The following KLF12 variants were observed in gnomAD, a reference collection of about 807,000 sequenced individuals.
KLF12 encodes Krueppel-like factor 12.
KLF12 carries 9 observed loss-of-function variants against 37.8 expected under a neutral mutation model. The observed-to-expected ratio is 0.24, with a 90% CI of 0.14 to 0.42. The LOEUF is 0.42. Ranked by LOEUF, KLF12 falls within the 10% of genes least tolerant of loss-of-function variation. The pLI, the probability that KLF12 is intolerant of heterozygous loss-of-function variation, is 1.00. For synonymous variants in KLF12, 208 were observed against 202.1 expected (o/e 1.03, Z -0.25); for missense variants, 411 against 516.0 (o/e 0.80, Z 1.97).
the KLF12 span, among the ~76,000 whole-genome samples, chr13:74,225,248 A>G: frequency 6.6e-6 from 1 of 152,134 alleles, no homozygotes; most frequent in Non-Finnish European, 1.5e-5. Flanking sequence ...CCTATTCCAA[A>G]GCTTCAATTA....
At chr13:74,103,928 A>AC (rs1238177683) in intron 1 of KLF12, among the ~76,000 whole-genome samples, 47 of 152,250 alleles carry the variant, frequency 3.1e-4, no homozygotes, top group Non-Finnish European at 5.4e-4. Context: ...CTATGGGGTT[A>AC]AGTAAAGCCT....
chr13:74,260,133 C>T, the KLF12 span, among the ~76,000 whole-genome samples: 2 of 152,120 alleles, frequency 1.3e-5, no homozygotes, highest in Non-Finnish European at 2.9e-5. Flanking sequence ...TAAATACACA[C>T]ACACTCACAC....
At chr13:73,942,356 G>A (rs1323517340) in intron 3 of KLF12, among the ~76,000 whole-genome samples, 4 of 151,988 alleles carry the variant, frequency 2.6e-5, no homozygotes, top group Non-Finnish European at 5.9e-5. Context: ...CATGAGCAGT[G>A]GGAAAAGGCT....
intron 7 of KLF12, among the ~76,000 whole-genome samples, chr13:73,697,812 G>T (rs1435206476): frequency 6.6e-6 from 1 of 152,188 alleles, no homozygotes; most frequent in Non-Finnish European, 1.5e-5. Flanking sequence ...GCGTTGCTCA[G>T]TTGTGTAGTA....
At chr13:74,262,005 G>A in the KLF12 span, among the ~76,000 whole-genome samples, 4 of 152,174 alleles carry the variant, frequency 2.6e-5, no homozygotes, top group African/African-American at 9.7e-5. Flanking sequence ...GTGCTCCTCA[G>A]TGTGTGTGGC....
chr13:74,176,625 C>A, the KLF12 span, among the ~76,000 whole-genome samples: 1 of 152,266 alleles, frequency 6.6e-6, no homozygotes, highest in South Asian at 2.1e-4. Flanking sequence ...ATATCCACTG[C>A]ACTGATTTTT....
At chr13:73,876,887 C>A (rs562417680) in intron 3 of KLF12, among the ~76,000 whole-genome samples, 4 of 151,932 alleles carry the variant, frequency 2.6e-5, no homozygotes, top group Admixed American at 2.0e-4. Context: ...TGGTGGCACA[C>A]GCCTGTAATC....
intron 3 of KLF12, among the ~76,000 whole-genome samples, chr13:73,870,309 C>T (rs1443483477): frequency 6.6e-6 from 1 of 152,190 alleles, no homozygotes. Flanking sequence ...TTACCAGATG[C>T]CCATATACTA....
intron 1 of KLF12, among the ~76,000 whole-genome samples, chr13:74,133,553 C>G (rs1391757525): frequency 6.6e-6 from 1 of 152,012 alleles, no homozygotes; most frequent in Non-Finnish European, 1.5e-5. Flanking sequence ...CCTTCCCCGG[C>G]CCCCTCCCGC....
chr13:73,754,639 A>T (rs1879017922), intron 6 of KLF12, among the ~76,000 whole-genome samples: 1 of 151,814 alleles, frequency 6.6e-6, no homozygotes, highest in Non-Finnish European at 1.5e-5. Context: ...GACTTTCAAT[A>T]ACTTAAGTTA....
intron 4 of KLF12, among the ~76,000 whole-genome samples, chr13:73,825,468 C>T (rs1019905024): frequency 1.3e-5 from 2 of 152,226 alleles, no homozygotes; most frequent in Non-Finnish European, 2.9e-5. Context: ...GAGGTACACA[C>T]TAGTCTTCTC....
At chr13:74,028,418 TAGTAA>T (rs1192475523) in intron 1 of KLF12, among the ~76,000 whole-genome samples, 1 of 152,286 alleles carries the variant, frequency 6.6e-6, no homozygotes, top group East Asian at 1.9e-4. Context: ...GCAGAATAAT[TAGTAA>T]AGTATACAAA....
At chr13:74,043,288 T>C (rs1399967560) in intron 1 of KLF12, among the ~76,000 whole-genome samples, 3 of 152,224 alleles carry the variant, frequency 2.0e-5, no homozygotes, top group Admixed American at 6.5e-5. Context: ...AAGGAATATG[T>C]TTATTGATGA....
chr13:73,760,162 T>G (rs1252335206), intron 6 of KLF12, among the ~76,000 whole-genome samples: 3 of 152,128 alleles, frequency 2.0e-5, no homozygotes, highest in Non-Finnish European at 2.9e-5. Context: ...CATCATAATT[T>G]GCATAGAGAC....
intron 6 of KLF12, among the ~76,000 whole-genome samples, chr13:73,729,039 C>T (rs1876868220): frequency 6.6e-6 from 1 of 152,150 alleles, no homozygotes; most frequent in African/African-American, 2.4e-5. Context: ...AACCTCAGTT[C>T]TGCTTTTAGT....
chr13:73,753,343 C>T (rs1217324036), intron 6 of KLF12, among the ~76,000 whole-genome samples: 8 of 152,158 alleles, frequency 5.3e-5, no homozygotes, highest in Non-Finnish European at 1.5e-5. Flanking sequence ...CAGATGGTTC[C>T]TTCCTGTCAT....
Position 73,897,543 on chromosome 13 carries a change from C to G in KLF12, c.123+46438G>C, listed in dbSNP as rs1245699665. ...TGGCATTCCAGAACAGAAACTCCTG[C>G]CTCATTCATGTCTCCTCCTTTTTCA... On this transcript the variant is annotated intron_variant, in intron 3 of 7. Coordinates refer to ENST00000377669, the MANE Select transcript of KLF12 (RefSeq NM_007249.5). Among the ~76,000 whole-genome samples the G allele has an allele frequency of 8.3e-5, 12 of 143,888 alleles. No homozygotes were observed. The Admixed American group carries it at 9.1e-4, about 11-fold the overall frequency. The allele number at this position is 143,888 out of a possible 152,430, so 94.4% of individuals were successfully genotyped here.
chr13:73,771,865 G>T (rs779964843), intron 5 of KLF12, among the ~76,000 whole-genome samples: 1 of 152,172 alleles, frequency 6.6e-6, no homozygotes, highest in Non-Finnish European at 1.5e-5. Flanking sequence ...AAAAGAATAG[G>T]TACAATTTTC....
upstream of KLF12, among the ~76,000 whole-genome samples, chr13:74,138,893 G>T (rs7327159): frequency 0.97 from 146,976 of 152,294 alleles, 71,153 homozygotes; most frequent in Middle Eastern, 1. Context: ...CTCCAGCCTG[G>T]GCACACACCT....
Sources: gnomAD v4.1 joint callset for allele counts (sites outside exome capture counted in the v4.1 genomes callset) on GRCh38, gnomAD v4.1.1 for gene constraint, MANE v1.5 for transcripts, NCBI Gene and HGNC (gene_info 2026-07-23, HGNC 2026-07-21) for gene names.